The following MUC4 variants were observed in gnomAD, a reference collection of about 807,000 sequenced individuals.
MUC4 encodes the protein mucin-4.
A neutral mutation model predicts 257.9 loss-of-function variants in MUC4; 202 were observed. The observed-to-expected ratio is 0.78, with a 90% CI of 0.70 to 0.88. The LOEUF (loss-of-function observed/expected upper bound fraction) is 0.88, where lower values mean the gene tolerates loss of function less well. Ranked by LOEUF, MUC4 falls within the 40% of genes least tolerant of loss-of-function variation. MUC4 has a pLI of 0.00. For synonymous variants in MUC4, 2,351 were observed against 2,757.1 expected, an observed-to-expected ratio of 0.85 and a Z score of 4.62; for missense variants, 5,976 against 6,513.7, an observed-to-expected ratio of 0.92 and a Z score of 2.84.
At chr3:195,807,269 G>A (rs1391205806) in intron 1 of MUC4, among the ~76,000 whole-genome samples, 1 of 152,174 alleles carries the variant, frequency 6.6e-6, no homozygotes, top group Non-Finnish European at 1.5e-5. Context: ...AGGAGTTCGA[G>A]ACCAGCCTGG....
At chr3:195,807,325 C>T (rs569611631) in intron 1 of MUC4, among the ~76,000 whole-genome samples, 1 of 152,018 alleles carries the variant, frequency 6.6e-6, no homozygotes, top group Non-Finnish European at 1.5e-5. Context: ...AAACATTAGC[C>T]GCTGTGGTGT....
chr3:195,774,265 C>T lies in MUC4; in HGVS notation c.12984G>A (p.Leu4328=). ...AGTCCACGGTCCTCCTGACGAACTCCAGGTCCCCGGCGCCTGCCCCATAGG... is the reference window on the plus strand; with the variant it reads ...AGTCCACGGTCCTCCTGACGAACTCTAGGTCCCCGGCGCCTGCCCCATAGG... ...LFPYGAGAGD[L]EFVRRTVDFT... is the part of the protein sequence containing the mutation. Residue 4328 remains leucine, a synonymous_variant, in exon 4 of 25, where the codon CTG becomes CTA. Coordinates refer to ENST00000463781, the MANE Select transcript of MUC4 (RefSeq NM_018406.7). The T allele has an allele frequency of 1.3e-6, 2 of 1,596,916 alleles. No homozygotes were observed. Among genetic ancestry groups the T allele is most frequent in the Non-Finnish European group, 1.7e-6 (2 of 1,172,744 alleles).
Position 195,788,844 on chromosome 3 carries a change from C to A in MUC4, c.2736G>T (p.Arg912Ser), listed in dbSNP as rs1403445986. ...AAISRMAQTQ[R>S]TRTSRGSDTI... is the part of the protein sequence containing the mutation. ...TGTCAGACCCTCTGCTGGTTCTTGT[C>A]CTCTGAGTCTGGGCCATCCGGGAAA... The change falls in exon 2 of 25, where the codon AGG becomes AGT. Residue 912 changes from arginine to serine, a missense_variant. By Grantham distance (110) the Arg-to-Ser change is moderately radical (BLOSUM62 -1). Coordinates refer to ENST00000463781, the MANE Select transcript of MUC4 (RefSeq NM_018406.7). 1.2e-6 allele frequency: 2 copies of A among 1,613,864 alleles called. No individual in the cohort carries two copies. Among genetic ancestry groups the A allele is most frequent in the Admixed American group, 3.3e-5 (2 of 59,998 alleles).
chr3:195,798,572 C>A (rs914660799), intron 1 of MUC4, among the ~76,000 whole-genome samples: 1 of 151,490 alleles, frequency 6.6e-6, no homozygotes, highest in Non-Finnish European at 1.5e-5. Flanking sequence ...GGCGTGGTGG[C>A]GGGCGCCTGT....
In MUC4 at chr3:195,781,273, C is replaced by G; in HGVS notation, c.10307G>C (p.Gly3436Ala). 2 of 1,505,936 alleles carry G rather than the reference C, an allele frequency of 1.3e-6. No individual in the cohort carries two copies. Among genetic ancestry groups the G allele is most frequent in the Admixed American group, 2.1e-5 (1 of 47,828 alleles). 93.3% of individuals were successfully genotyped at this position (1,505,936 alleles called of 1,614,324 possible). A position where few individuals can be genotyped will look rare whatever the true frequency, so the allele number is the denominator to read the frequency against. ...PVTSTSSAST[G>A]HATPVPVTST... ...GGTGACAGGAACAGGGGTGGCGTGACCGGTGGATGCTGAGGAAGTGCTGGT... is the reference window on the plus strand; with the variant it reads ...GGTGACAGGAACAGGGGTGGCGTGAGCGGTGGATGCTGAGGAAGTGCTGGT... The change falls in exon 2 of 25, where the codon GGT (glycine) becomes GCT (alanine). Residue 3436 changes from glycine (G) to alanine (A), a missense_variant. Physicochemically the swap from Gly to Ala is moderately conservative, Grantham distance 60. Transcript: ENST00000463781.
intron 2 of MUC4, 115 bp from the exon 3 acceptor site, chr3:195,778,570 C>G: frequency 7.1e-7 from 1 of 1,414,344 alleles, no homozygotes; most frequent in South Asian, 1.3e-5. Context: ...CTTGTCTCTC[C>G]CCTGCTCATA....
intron 2 of MUC4, 132 bp from the exon 3 acceptor site, chr3:195,778,587 C>A (rs1405718809): frequency 7.5e-7 from 1 of 1,330,756 alleles, no homozygotes; most frequent in Non-Finnish European, 1.0e-6. Context: ...CATATCCAAA[C>A]TACTCTCGAC....
chr3:195,777,613 A>G (rs1446810305), intron 3 of MUC4, among the ~76,000 whole-genome samples: 67 of 97,472 alleles, frequency 6.9e-4, no homozygotes, highest in Middle Eastern at 6.1e-3. Context: ...TACCTTCCAC[A>G]CCCATACCTT....
intron 2 of MUC4, 55 bp from the exon 3 acceptor site, chr3:195,778,510 G>A (rs1725539196): frequency 1.3e-6 from 2 of 1,590,780 alleles, no homozygotes; most frequent in African/African-American, 2.7e-5. Context: ...AAACAGGAGA[G>A]TCAAAGAGAT....
At position 195,787,499 on chromosome 3, in the gene MUC4, GA is replaced by G; in HGVS notation, c.4080del (p.Leu1361PhefsTer83). 2.7e-6 allele frequency: 2 copies of G among 729,248 alleles called. 1 individual carries two copies. The highest frequency in any genetic ancestry group is 3.3e-5 in the South Asian group (2 of 60,384). 45.2% of individuals were successfully genotyped at this position (729,248 alleles called of 1,614,324 possible). Reference protein sequence around the residue: ...ASSVSTGHTTPLHVTDASSAS... With the variant: ...ASSVSTGHTTXLHVTDASSAS... ...GCTGAGGAAGCATCAGTGACATGAA[GA>G]GGGGTGGTGTGACCTGTGGATACTG... On this transcript the variant is annotated frameshift_variant, in exon 2 of 25. Coordinates refer to ENST00000463781, the MANE Select transcript of MUC4 (RefSeq NM_018406.7). LOFTEE classifies it high-confidence loss of function.
intron 6 of MUC4, 21 bp downstream of exon 6, chr3:195,770,195 G>A (rs368205086): frequency 1.9e-6 from 3 of 1,550,230 alleles, no homozygotes; most frequent in Non-Finnish European, 2.6e-6. Context: ...GCTCCTGGGA[G>A]CTGCCCAGGG....
chr3:195,763,977 C>T (rs1719832631), intron 11 of MUC4, 68 bp downstream of exon 11: 2 of 1,542,812 alleles, frequency 1.3e-6, no homozygotes, highest in Non-Finnish European at 8.7e-7. Context: ...ATCCAGATGC[C>T]ACCTCCCGGA....
chr3:195,753,407 T>C (rs1716878768), intron 19 of MUC4, 177 bp from the exon 20 acceptor site: 1 of 607,256 alleles, frequency 1.6e-6, no homozygotes, highest in Non-Finnish European at 2.8e-6. Flanking sequence ...GGCAACCCCT[T>C]TCCCCGGCCA....
rs753043940 is a variant in MUC4 at position 195,751,136 on chromosome 3, G to C, written c.15648-24C>G. 7.9e-6 allele frequency: 12 copies of C among 1,523,984 alleles called. No homozygotes were observed. In the East Asian group the frequency reaches 1.7e-4, roughly 22 times the overall value. 94.4% of individuals were successfully genotyped at this position (1,523,984 alleles called of 1,614,324 possible). On this transcript the variant is annotated intron_variant, in intron 22 of 24. Coordinates refer to ENST00000463781, the MANE Select transcript of MUC4 (RefSeq NM_018406.7). ...CGCTGTGTGGGAGGGCAACGGTGAG[G>C]GGGGGTGGGGGGCTGGGGGTGGGGG...
Position 195,788,973 on chromosome 3 carries a change from G to T in MUC4, c.2607C>A (p.Pro869=), listed in dbSNP as rs200248065. 6 of 1,613,508 alleles carry T rather than the reference G, an allele frequency of 3.7e-6. No homozygotes were observed. In the East Asian group the frequency reaches 8.9e-5, roughly 24 times the overall value. The change falls in exon 2 of 25, where the codon CCC becomes CCA. Residue 869 remains proline, a synonymous_variant. Transcript: ENST00000463781. ...CAGAGAGGGTGGGATGAAAGGTGCC[G>T]GGGACGATCGAAGACGCCATTCCTG... ...VSTGMASSIV[P]GTFHPTLSEA...
Position 195,789,969 on chromosome 3 carries a change from T to C in MUC4, c.1611A>G (p.Ser537=). ...TGGGCTCTCCTGGTTCCCCTATTGCTGAGACCTTAGAGGGGACCCTTGGAA... is the reference window on the plus strand; with the variant it reads ...TGGGCTCTCCTGGTTCCCCTATTGCCGAGACCTTAGAGGGGACCCTTGGAA... The part of the protein sequence containing the change: ...GTIPRVPSKV[S]AIGEPGEPTT... The change falls in exon 2 of 25, where the codon TCA becomes TCG. Residue 537 remains serine (S), a synonymous_variant. Coordinates refer to ENST00000463781, the MANE Select transcript of MUC4 (RefSeq NM_018406.7). 6.2e-7 allele frequency: 1 copy of C among 1,613,960 alleles called. No individual in the cohort carries two copies. The highest frequency in any genetic ancestry group is 8.5e-7 in the Non-Finnish European group (1 of 1,179,868).
At chr3:195,811,026 C>T (rs1471027068) in intron 1 of MUC4, among the ~76,000 whole-genome samples, 3 of 152,084 alleles carry the variant, frequency 2.0e-5, no homozygotes, top group Non-Finnish European at 4.4e-5. Context: ...CCTCTGTTCT[C>T]TTTTCTCTCT....
chr3:195,799,802 A>G (rs2149064165), intron 1 of MUC4, among the ~76,000 whole-genome samples: 1 of 152,332 alleles, frequency 6.6e-6, no homozygotes, highest in African/African-American at 2.4e-5. Flanking sequence ...ATGCCGTTAT[A>G]AAATTTTTCA....
At position 195,765,299 on chromosome 3, in the gene MUC4, C is replaced by T. The variant is rs749279931; in HGVS notation, c.13769G>A (p.Arg4590Gln). Residue 4590 changes from arginine to glutamine, a missense_variant, in exon 9 of 25, where the codon CGG becomes CAG. Physicochemically the swap from Arg to Gln is conservative, Grantham distance 43 (BLOSUM62 1). Around this residue, in one of 44 missense-constraint regions of MUC4, gnomAD observed 996 missense variants for 1,137.3 expected, o/e 0.88. Coordinates refer to ENST00000463781, the MANE Select transcript of MUC4 (RefSeq NM_018406.7). ...SCPCSWQQGR[R>Q]DLRFQPVSIG... is the part of the protein sequence containing the mutation. The stretch of plus-strand genomic sequence containing the variant: ...GCTGACGGGTTGGAATCGTAAGTCC[C>T]GTCGTCCCTGCTGCCAGGAACAAGG... 2.7e-5 allele frequency: 43 copies of T among 1,613,252 alleles called. No homozygotes were observed. In the Admixed American group the frequency reaches 4.8e-4, roughly 18 times the overall value.
Sources: gnomAD v4.1 joint callset for allele counts (sites outside exome capture counted in the v4.1 genomes callset) on GRCh38, gnomAD v4.1.1 for gene constraint, gnomAD v4.1.1 regional missense constraint, MANE v1.5 for transcripts, NCBI Gene and HGNC (gene_info 2026-07-23, HGNC 2026-07-21) for gene names.